GPATCH11: variants seen among roughly 807,000 people sequenced by gnomAD.
GPATCH11 encodes G-patch domain containing 11.
GPATCH11 carries 32 observed loss-of-function variants against 44.8 expected under a neutral mutation model. The ratio of observed to expected loss-of-function variants is 0.71; its 90% CI spans 0.54 to 0.96. The LOEUF (loss-of-function observed/expected upper bound fraction) is 0.96. GPATCH11 is among the 40% of genes least tolerant of loss of function. GPATCH11 has a pLI of 0.00. For missense variants in GPATCH11, 324 were observed against 303.1 expected (o/e 1.07, Z -0.51); for synonymous variants, 84 against 94.4 (o/e 0.89, Z 0.64).
In GPATCH11 at chr2:37,094,278, G is replaced by A. The variant is rs1164615855; in HGVS notation, c.654+83G>A. Reference sequence around the variant, plus strand: ...TGAGTTGTGGTAATCCGTTGTTGTGGAGAGCTGTCCTGTGCATTGCAAGAT... The same window carrying A: ...TGAGTTGTGGTAATCCGTTGTTGTGAAGAGCTGTCCTGTGCATTGCAAGAT... On this transcript the variant is annotated intron_variant, in intron 7 of 8. Transcript: ENST00000674370. The A allele has an allele frequency of 3.6e-6, 3 of 841,816 alleles. No individual in the cohort carries two copies. The African/African-American group carries it at 5.1e-5, about 14-fold the overall frequency. 52.1% of individuals were successfully genotyped at this position (841,816 alleles called of 1,614,324 possible). A position where few individuals can be genotyped will look rare whatever the true frequency, so the allele number is the denominator to read the frequency against.
At chr2:37,085,969 CGT>C (rs914288574) in intron 1 of GPATCH11, among the ~76,000 whole-genome samples, 59 of 152,324 alleles carry the variant, frequency 3.9e-4, no homozygotes, top group Admixed American at 1.0e-3. Context: ...CAGTTCCAAT[CGT>C]GTGACCTTCT....
intron 6 of GPATCH11, among the ~76,000 whole-genome samples, 185 bp downstream of exon 6, chr2:37,092,440 G>T (rs1673379142): frequency 7.1e-6 from 1 of 141,020 alleles, no homozygotes; most frequent in Admixed American, 7.3e-5. Flanking sequence ...TTTTACATAT[G>T]TCTTATATAT....
At chr2:37,092,479 A>AAT (rs1343141799) in intron 6 of GPATCH11, among the ~76,000 whole-genome samples, 3 of 135,450 alleles carry the variant, frequency 2.2e-5, no homozygotes, top group East Asian at 4.0e-4. Flanking sequence ...TTATATATAT[A>AAT]ATATATATAT....
At chr2:37,089,482 G>A (rs1169928434) in intron 2 of GPATCH11, among the ~76,000 whole-genome samples, 158 bp from the exon 3 acceptor site, 5 of 151,942 alleles carry the variant, frequency 3.3e-5, no homozygotes, top group Admixed American at 6.6e-5. Context: ...CAAGAGAATC[G>A]GTTGAACCCA....
chr2:37,088,280 T>G (rs1215577941), intron 1 of GPATCH11, 89 bp from the exon 2 acceptor site: 1 of 569,818 alleles, frequency 1.8e-6, no homozygotes, highest in African/African-American at 1.9e-5. Flanking sequence ...ATAGTAGAGC[T>G]CTAGAGACAG....
chr2:37,092,365 T>C (rs996935708), intron 6 of GPATCH11, 110 bp downstream of exon 6: 41 of 188,194 alleles, frequency 2.2e-4, no homozygotes, highest in Non-Finnish European at 3.7e-4. Context: ...TATATATTTA[T>C]ATATGTATTA....
At chr2:37,086,600 AC>A (rs1673062562) in intron 1 of GPATCH11, among the ~76,000 whole-genome samples, 1 of 152,204 alleles carries the variant, frequency 6.6e-6, no homozygotes, top group Non-Finnish European at 1.5e-5. Flanking sequence ...GGAGTTTGAG[AC>A]CAGCCTGGCC....
Position 37,094,063 on chromosome 2 carries a change from A to T in GPATCH11, c.541-19A>T, listed in dbSNP as rs1185381359. ...CTTATGTTTAGTATGTTTAATTGAG[A>T]CTACTTCTGCATTTTCAGAATATTC... is the stretch of plus-strand genomic sequence containing the variant. On this transcript the variant is annotated intron_variant, in intron 6 of 8. Transcript: ENST00000674370. The T allele has an allele frequency of 2.9e-6, 4 of 1,381,274 alleles. No individual in the cohort carries two copies. Among genetic ancestry groups the T allele is most frequent in the Non-Finnish European group, 4.1e-6 (4 of 978,406 alleles). 85.6% of individuals were successfully genotyped at this position (1,381,274 alleles called of 1,614,324 possible).
intron 3 of GPATCH11, 115 bp downstream of exon 3, chr2:37,089,981 C>A: frequency 1.3e-6 from 1 of 754,828 alleles, no homozygotes; most frequent in Non-Finnish European, 2.2e-6. Context: ...ACAACTTAGG[C>A]TTTTTAGTCT....
At position 37,097,309 on chromosome 2, in the gene GPATCH11, C is replaced by T. The variant is rs1422266160; in HGVS notation, c.*1046C>T. ...TTTCTCTTAAACTGAAATCTGCTTC[C>T]CTGTAATATTAATGAATACAGCTAA... On this transcript the variant is annotated 3_prime_UTR_variant, in exon 9 of 9. Transcript: ENST00000674370. The T allele has an allele frequency of 5.3e-5, 8 of 152,000 alleles. No homozygotes were observed. The highest frequency in any genetic ancestry group is 5.2e-4 in the Admixed American group (8 of 15,268). 9.4% of individuals were successfully genotyped at this position (152,000 alleles called of 1,614,324 possible).
In GPATCH11 at chr2:37,090,850, A is replaced by G. The variant is rs571016756; in HGVS notation, c.328+128A>G. 332 of 560,404 alleles carry G rather than the reference A, an allele frequency of 5.9e-4. 7 individuals carry two copies. The Middle Eastern group carries it at 6.2e-3, about 10-fold the overall frequency. The allele number at this position is 560,404 out of a possible 1,614,324, so 34.7% of individuals were successfully genotyped here. A position where few individuals can be genotyped will look rare whatever the true frequency, so the allele number is the denominator to read the frequency against. On this transcript the variant is annotated intron_variant, in intron 4 of 8. Transcript: ENST00000674370. ...GTTACAGTTCAGTAAAATTTTGTTA[A>G]ATTTCTAAACCTCTTCAACCAGAAA...
chr2:37,090,691 T>G lies in GPATCH11; in HGVS notation c.297T>G (p.Ile99Met). ...TTCATTCTCTTTAAGGGGGTGGTATTGTTGAACCAATTCCTCTCAATATCA... is the reference window on the plus strand; with the variant it reads ...TTCATTCTCTTTAAGGGGGTGGTATGGTTGAACCAATTCCTCTCAATATCA... ...GQALGKSGGG[I>M]VEPIPLNIKT... The change falls in exon 4 of 9, where the codon ATT (isoleucine) becomes ATG (methionine). Residue 99 changes from isoleucine (I) to methionine (M), a missense_variant. Physicochemically the swap from Ile to Met is conservative, Grantham distance 10. Coordinates refer to ENST00000674370, the MANE Select transcript of GPATCH11 (RefSeq NM_174931.4). The G allele has an allele frequency of 6.8e-7, 1 of 1,475,224 alleles. No individual in the cohort carries two copies. The allele number at this position is 1,475,224 out of a possible 1,614,324, so 91.4% of individuals were successfully genotyped here.
rs543054086 is a variant in GPATCH11 at position 37,097,422 on chromosome 2, G to A, written c.*1159G>A. On this transcript the variant is annotated 3_prime_UTR_variant, in exon 9 of 9. Coordinates refer to ENST00000674370, the MANE Select transcript of GPATCH11 (RefSeq NM_174931.4). ...CCTTTTTAAAAGTTCATATGCTCAG[G>A]TGTCTCTCCTAGTGATTGATTTTGA... 6.6e-6 allele frequency: 1 copy of A among 152,190 alleles called. No individual in the cohort carries two copies. Among genetic ancestry groups the A allele is most frequent in the Non-Finnish European group, 1.5e-5 (1 of 68,032 alleles). The allele number at this position is 152,190 out of a possible 1,614,324, so 9.4% of individuals were successfully genotyped here.
At chr2:37,090,870 C>A in intron 4 of GPATCH11, 148 bp downstream of exon 4, 1 of 545,498 alleles carries the variant, frequency 1.8e-6, no homozygotes, top group Non-Finnish European at 3.3e-6. Flanking sequence ...CCTCTTCAAC[C>A]AGAAAAGAAA....
intron 4 of GPATCH11, 43 bp from the exon 5 acceptor site, chr2:37,091,873 A>G (rs1427221603): frequency 6.3e-7 from 1 of 1,579,958 alleles, no homozygotes; most frequent in South Asian, 1.2e-5. Flanking sequence ...GTTTTGAAGC[A>G]CAAAGTCAGG....
At chr2:37,093,518 T>A (rs1439406486) in intron 6 of GPATCH11, among the ~76,000 whole-genome samples, 1 of 152,222 alleles carries the variant, frequency 6.6e-6, no homozygotes, top group Non-Finnish European at 1.5e-5. Context: ...ATGTATTTCA[T>A]GGCACTTATG....
rs1268830288 is a variant in GPATCH11, at chr2:37,098,426, G to A, written c.*2163G>A. The A allele has an allele frequency of 6.6e-6, 1 of 150,930 alleles. No individual in the cohort carries two copies. Among genetic ancestry groups the A allele is most frequent in the African/African-American group, 2.4e-5 (1 of 40,976 alleles). The allele number at this position is 150,930 out of a possible 1,614,324, so 9.3% of individuals were successfully genotyped here. ...AAACAGAGGAGTACATTTTACCCTT[G>A]CAATTCCAGTCAATACTGTGGTGTC... On this transcript the variant is annotated 3_prime_UTR_variant, in exon 9 of 9. Transcript: ENST00000674370.
chr2:37,095,565 A>G (rs1260471863), intron 8 of GPATCH11, 47 bp downstream of exon 8: 7 of 1,497,214 alleles, frequency 4.7e-6, no homozygotes, highest in Non-Finnish European at 6.2e-6. Context: ...AATGCTCTCC[A>G]ATTTTTAGTT....
At chr2:37,093,398 A>G (rs1379628630) in intron 6 of GPATCH11, among the ~76,000 whole-genome samples, 1 of 152,222 alleles carries the variant, frequency 6.6e-6, no homozygotes, top group Non-Finnish European at 1.5e-5. Context: ...TACTCTGAAA[A>G]TAAAATGACT....
Sources: allele counts gnomAD v4.1 joint callset (sites outside exome capture counted in the v4.1 genomes callset), GRCh38; gene constraint gnomAD v4.1.1; transcripts MANE v1.5; gene names NCBI Gene and HGNC (gene_info 2026-07-23, HGNC 2026-07-21).